TBC1D10B: variants seen among roughly 807,000 people sequenced by gnomAD.
TBC1D10B encodes the protein TBC1 domain family member 10B.
A neutral mutation model predicts 78.4 loss-of-function variants in TBC1D10B; 25 were observed. The ratio of observed to expected loss-of-function variants is 0.32; its 90% CI spans 0.23 to 0.45. The LOEUF (loss-of-function observed/expected upper bound fraction) is 0.45. Among genes scored for constraint, TBC1D10B ranks in the 20% least tolerant of loss-of-function variants. The pLI, the probability that TBC1D10B is intolerant of heterozygous loss-of-function variation, is 1.00. For missense variants in TBC1D10B, 996 were observed against 1,104.8 expected (o/e 0.90, Z 1.40); for synonymous variants, 517 against 478.0 (o/e 1.08, Z -1.06).
At position 30,357,761 on chromosome 16, in the gene TBC1D10B, A is replaced by ATT. The variant is rs1424434004; in HGVS notation, c.*181_*182dup. ...ATGGGAGATGAGAGGCTCCAGACTC[A>ATT]TTTGCAGCTGCCCATCTGTCCTGCC... is the stretch of plus-strand genomic sequence containing the variant. On this transcript the variant is annotated 3_prime_UTR_variant, in exon 9 of 9. Transcript: ENST00000409939. 1 of 820,266 alleles carries ATT rather than the reference A, an allele frequency of 1.2e-6. No homozygotes were observed. Among genetic ancestry groups the ATT allele is most frequent in the Non-Finnish European group, 1.9e-6 (1 of 539,176 alleles). 50.8% of individuals were successfully genotyped at this position (820,266 alleles called of 1,614,324 possible). A position where few individuals can be genotyped will look rare whatever the true frequency, so the allele number is the denominator to read the frequency against.
At chr16:30,359,091 G>A in intron 7 of TBC1D10B, 81 bp downstream of exon 7, 2 of 1,476,708 alleles carry the variant, frequency 1.4e-6, no homozygotes, top group Non-Finnish European at 1.8e-6. Flanking sequence ...TTTGTCCATG[G>A]ACCACCAGAA....
Position 30,365,603 on chromosome 16 carries a change from T to C in TBC1D10B, c.957-9A>G. ...CGGGAATGGAGCTCTCTCTGCAGGG[T>C]CGGGGGAGCACGGAAGGGGTCAGTA... On this transcript the variant is annotated splice_polypyrimidine_tract_variant and intron_variant, in intron 1 of 8. Coordinates refer to ENST00000409939, the MANE Select transcript of TBC1D10B (RefSeq NM_015527.4). This position sits in a 1 kb window ranked among gnomAD's most constrained non-coding sequence, Gnocchi z 5.0. The C allele has an allele frequency of 6.2e-7, 1 of 1,613,502 alleles. No homozygotes were observed.
chr16:30,365,060 G>A lies in TBC1D10B; in HGVS notation c.1164+45C>T. 1 of 1,610,986 alleles carries A rather than the reference G, an allele frequency of 6.2e-7. No homozygotes were observed. The highest frequency in any genetic ancestry group is 1.3e-5 in the African/African-American group (1 of 74,992). ...GCATCTGGGGGAACTGATACCCCTT[G>A]CACAGACAGGGCCACATGTCCCCAC... On this transcript the variant is annotated intron_variant, in intron 3 of 8. Coordinates refer to ENST00000409939, the MANE Select transcript of TBC1D10B (RefSeq NM_015527.4). The surrounding 1 kb of genome is among the most constrained non-coding windows in gnomAD (Gnocchi z 5.0).
In TBC1D10B at chr16:30,365,796, A is replaced by G; in HGVS notation, c.957-202T>C. 1 of 566,608 alleles carries G rather than the reference A, an allele frequency of 1.8e-6. No homozygotes were observed. Among genetic ancestry groups the G allele is most frequent in the Non-Finnish European group, 3.2e-6 (1 of 314,666 alleles). The allele number at this position is 566,608 out of a possible 1,614,324, so 35.1% of individuals were successfully genotyped here. A position where few individuals can be genotyped will look rare whatever the true frequency, so the allele number is the denominator to read the frequency against. ...CCTTCCCTGATGGATCTCTATTCAG[A>G]GGTCATATTTAAATCTCACTTCTGA... On this transcript the variant is annotated intron_variant, in intron 1 of 8. Coordinates refer to ENST00000409939, the MANE Select transcript of TBC1D10B (RefSeq NM_015527.4). This position sits in a 1 kb window ranked among gnomAD's most constrained non-coding sequence, Gnocchi z 5.0.
Position 30,357,479 on chromosome 16 carries a change from T to G in TBC1D10B, c.*465A>C, listed in dbSNP as rs988175683. The G allele has an allele frequency of 1.6e-4, 31 of 190,368 alleles. No homozygotes were observed. The highest frequency in any genetic ancestry group is 4.2e-4 in the Admixed American group (8 of 18,986). 11.8% of individuals were successfully genotyped at this position (190,368 alleles called of 1,614,324 possible). Reference sequence around the variant, plus strand: ...CCCCCACCCCAGGCCAACGCCATCCTCTGTACACAATTACAACACAGGTCC... The same window carrying G: ...CCCCCACCCCAGGCCAACGCCATCCGCTGTACACAATTACAACACAGGTCC... On this transcript the variant is annotated 3_prime_UTR_variant, in exon 9 of 9. Transcript: ENST00000409939.
Position 30,369,004 on chromosome 16 carries a change from G to A in TBC1D10B, c.956+224C>T, listed in dbSNP as rs1289376235. On this transcript the variant is annotated intron_variant, in intron 1 of 8. Transcript: ENST00000409939. This position sits in a 1 kb window ranked among gnomAD's most constrained non-coding sequence, Gnocchi z 4.3. Reference sequence around the variant, plus strand: ...GGGCACACAACCCATCAAAGGCAAGGCTTAAACCCAGACCTCTTGACCCCT... The same window carrying A: ...GGGCACACAACCCATCAAAGGCAAGACTTAAACCCAGACCTCTTGACCCCT... 6.6e-6 allele frequency among the ~76,000 whole-genome samples: 1 copy of A among 152,182 alleles called. No individual in the cohort carries two copies. The highest frequency in any genetic ancestry group is 2.4e-5 in the African/African-American group (1 of 41,436).
chr16:30,367,883 G>A (rs753492797), intron 1 of TBC1D10B: 4 of 152,216 alleles, frequency 2.6e-5, no homozygotes, highest in Non-Finnish European at 5.9e-5. Flanking sequence ...CAGGGACAAA[G>A]CTACAAAGCA....
chr16:30,357,995 A>T lies in TBC1D10B; in HGVS notation c.2376T>A (p.His792Gln). 6.4e-7 allele frequency: 1 copy of T among 1,551,730 alleles called. No individual in the cohort carries two copies. Among genetic ancestry groups the T allele is most frequent in the Non-Finnish European group, 8.7e-7 (1 of 1,146,978 alleles). ...CGGCTGAGGGCCTGTCCCCACCATC[A>T]TGGGGGCCTGGGGGCCCATCTGCCT... Reference protein sequence around the residue: ...RRKADGPPGPHDGGDRPSAEA... With the variant: ...RRKADGPPGPQDGGDRPSAEA... The change falls in exon 9 of 9, where the codon CAT (histidine) becomes CAA (glutamine). Residue 792 changes from histidine (H) to glutamine (Q), a missense_variant. His to Gln is a conservative substitution (Grantham distance 24). Transcript: ENST00000409939.
Position 30,369,256 on chromosome 16 carries a change from G to T in TBC1D10B, c.928C>A (p.Leu310Ile), listed in dbSNP as rs746798755. ...CTGCCCGAGTACTGGCTGCCCCCAA[G>T]GAAGCCATACTTGTCCGTCTTGCGC... ...ALRKTDKYGFLGGSQYSGSLE... is the reference protein window; with the variant it reads ...ALRKTDKYGFIGGSQYSGSLE... Residue 310 changes from leucine (L) to isoleucine (I), a missense_variant, in exon 1 of 9, where the codon CTT (leucine) becomes ATT (isoleucine). Around this residue, in one of 5 missense-constraint regions of TBC1D10B, gnomAD observed 448 missense variants for 442.1 expected, o/e 1.01. Coordinates refer to ENST00000409939, the MANE Select transcript of TBC1D10B (RefSeq NM_015527.4). The surrounding 1 kb of genome is among the most constrained non-coding windows in gnomAD (Gnocchi z 4.3). 1 of 1,585,174 alleles carries T rather than the reference G, an allele frequency of 6.3e-7. No individual in the cohort carries two copies. Among genetic ancestry groups the T allele is most frequent in the Non-Finnish European group, 8.6e-7 (1 of 1,166,280 alleles).
chr16:30,358,025 A>T lies in TBC1D10B; in HGVS notation c.2346T>A (p.Arg782=). 1 of 1,551,824 alleles carries T rather than the reference A, an allele frequency of 6.4e-7. No individual in the cohort carries two copies. The highest frequency in any genetic ancestry group is 1.2e-5 in the South Asian group (1 of 84,060). ...KKAQGRKLSL[R]RKADGPPGPH... ...GGCCTGGGGGCCCATCTGCCTTTCG[A>T]CGCAGCGAAAGCTTCCGGCCTTGAG... Residue 782 remains arginine, a synonymous_variant, in exon 9 of 9, where the codon CGT becomes CGA. Transcript: ENST00000409939.
At chr16:30,364,231 G>A (rs1384820707) in intron 4 of TBC1D10B, among the ~76,000 whole-genome samples, 1 of 151,988 alleles carries the variant, frequency 6.6e-6, no homozygotes, top group African/African-American at 2.4e-5. Context: ...ACTTGAGGTT[G>A]GGAGTTCAAG....
At chr16:30,367,512 C>T (rs759598481) in intron 1 of TBC1D10B, 2 of 152,202 alleles carry the variant, frequency 1.3e-5, no homozygotes, top group Non-Finnish European at 2.9e-5. Context: ...GCACCAAAGA[C>T]ACATCTAATT....
chr16:30,370,162 G>C lies in TBC1D10B; in HGVS notation c.22C>G (p.Leu8Val). 1.7e-6 allele frequency: 2 copies of C among 1,183,122 alleles called. No homozygotes were observed. Among genetic ancestry groups the C allele is most frequent in the Non-Finnish European group, 2.1e-6 (2 of 956,650 alleles). The allele number at this position is 1,183,122 out of a possible 1,614,324, so 73.3% of individuals were successfully genotyped here. A position where few individuals can be genotyped will look rare whatever the true frequency, so the allele number is the denominator to read the frequency against. Reference protein sequence around the residue: METGTAPLVAPPRRHGAP... With the variant: METGTAPVVAPPRRHGAP... ...CCATGACGGCGCGGCGGGGCCACCA[G>C]GGGCGCCGTGCCCGTCTCCATGGCC... Residue 8 changes from leucine to valine, a missense_variant, in exon 1 of 9, where the codon CTG becomes GTG. Physicochemically the swap from Leu to Val is conservative, Grantham distance 32 (BLOSUM62 1). This residue lies in a region of TBC1D10B where 448 missense variants were observed against 442.1 expected (regional missense o/e 1.01). Transcript: ENST00000409939.
chr16:30,359,866 A>T, intron 4 of TBC1D10B, 25 bp from the exon 5 acceptor site: 1 of 1,542,528 alleles, frequency 6.5e-7, no homozygotes, highest in Non-Finnish European at 8.8e-7. Context: ...GAAGACTGTG[A>T]GGGCAGTCAC....
rs781616726 is a variant in TBC1D10B at position 30,358,078 on chromosome 16, TCTC to T, written c.2290_2292del (p.Glu764del). On this transcript the variant is annotated inframe_deletion, in exon 9 of 9. Coordinates refer to ENST00000409939, the MANE Select transcript of TBC1D10B (RefSeq NM_015527.4). ...TTCTTCTCCTGCTTCTGCCGCTCCT[TCTC>T]CTGCTTCTCTCGCTCCTTTTCCTGC... The T allele has an allele frequency of 1.4e-5, 21 of 1,551,260 alleles. No homozygotes were observed. The highest frequency in any genetic ancestry group is 5.5e-5 in the African/African-American group (4 of 73,046).
Position 30,365,443 on chromosome 16 carries a change from T to A in TBC1D10B, c.1056+52A>T. On this transcript the variant is annotated intron_variant, in intron 2 of 8. Transcript: ENST00000409939. The surrounding 1 kb of genome is among the most constrained non-coding windows in gnomAD (Gnocchi z 5.0). The stretch of plus-strand genomic sequence containing the variant: ...GCTTCCTGGGCTTCCCTGGAGCACA[T>A]GCTACCCCTCCCAACTTGTGCATTG... The A allele has an allele frequency of 6.3e-7, 1 of 1,596,660 alleles. No individual in the cohort carries two copies. Among genetic ancestry groups the A allele is most frequent in the African/African-American group, 1.3e-5 (1 of 74,744 alleles).
chr16:30,359,148 T>A, intron 7 of TBC1D10B, 24 bp downstream of exon 7: 2 of 1,592,548 alleles, frequency 1.3e-6, no homozygotes, highest in South Asian at 2.3e-5. Flanking sequence ...CAGCCCCTCA[T>A]GGCCTGGAGG....
chr16:30,358,070 C>T lies in TBC1D10B; in HGVS notation c.2301G>A (p.Arg767=), dbSNP rs1738176387. The T allele has an allele frequency of 1.3e-6, 2 of 1,551,634 alleles. No homozygotes were observed. The highest frequency in any genetic ancestry group is 1.7e-6 in the Non-Finnish European group (2 of 1,146,720). The change falls in exon 9 of 9, where the codon CGG becomes CGA. Residue 767 remains arginine, a synonymous_variant. Coordinates refer to ENST00000409939, the MANE Select transcript of TBC1D10B (RefSeq NM_015527.4). ...CTTGAGCCTTCTTCTCCTGCTTCTG[C>T]CGCTCCTTCTCCTGCTTCTCTCGCT... ...EKEREKQEKE[R]QKQEKKAQGR... is the part of the protein sequence containing the mutation.
chr16:30,363,176 C>T (rs1207141393), intron 4 of TBC1D10B, among the ~76,000 whole-genome samples: 2 of 152,222 alleles, frequency 1.3e-5, no homozygotes, highest in African/African-American at 2.4e-5. Flanking sequence ...TCCCCTCTCT[C>T]CTCTCACACT....
Sources: gnomAD v4.1 joint callset for allele counts (sites outside exome capture counted in the v4.1 genomes callset) on GRCh38, gnomAD v4.1.1 for gene constraint, gnomAD v4.1.1 regional missense constraint, Gnocchi (gnomAD v3.1) non-coding constraint, MANE v1.5 for transcripts, NCBI Gene and HGNC (gene_info 2026-07-23, HGNC 2026-07-21) for gene names.